The following MED13L variants were observed in gnomAD, a reference collection of about 807,000 sequenced individuals.
MED13L encodes mediator of RNA polymerase II transcription subunit 13-like.
In MED13L, 7 loss-of-function variants were observed where a neutral mutation model predicts 220.9. The observed-to-expected ratio is 0.03, with a 90% CI of 0.02 to 0.06. The LOEUF (loss-of-function observed/expected upper bound fraction) is 0.06, where lower values mean the gene tolerates loss of function less well. Ranked by LOEUF, MED13L falls within the 10% of genes least tolerant of loss-of-function variation. The pLI, the probability that MED13L is intolerant of heterozygous loss-of-function variation, is 1.00. For missense variants in MED13L, 1,965 were observed against 2,760.5 expected, an observed-to-expected ratio of 0.71 and a Z score of 6.46; for synonymous variants, 1,011 against 1,015.2, an observed-to-expected ratio of 1.00 and a Z score of 0.08.
At chr12:115,983,827 G>T (rs1018614198) in intron 20 of MED13L, among the ~76,000 whole-genome samples, 5 of 152,142 alleles carry the variant, frequency 3.3e-5, no homozygotes, top group African/African-American at 1.2e-4. Flanking sequence ...CCTAAAAAAT[G>T]AGAAGCTATA....
intron 2 of MED13L, among the ~76,000 whole-genome samples, chr12:116,127,354 G>C (rs914374864): frequency 2.0e-5 from 3 of 152,086 alleles, no homozygotes; most frequent in African/African-American, 7.2e-5. Flanking sequence ...TAGGTTAAAA[G>C]TTCAACTGTA....
intron 2 of MED13L, among the ~76,000 whole-genome samples, chr12:116,139,009 T>C (rs1336761595): frequency 6.6e-6 from 1 of 152,214 alleles, no homozygotes; most frequent in Admixed American, 6.5e-5. Context: ...AGTTGAGACA[T>C]ATTCCTGGAA....
chr12:116,020,550 T>C (rs1320771347), intron 5 of MED13L, among the ~76,000 whole-genome samples: 4 of 152,226 alleles, frequency 2.6e-5, no homozygotes, highest in Non-Finnish European at 5.9e-5. Context: ...AGTTTTAATG[T>C]ACAAAAGCTT....
intron 2 of MED13L, among the ~76,000 whole-genome samples, chr12:116,197,413 C>CT (rs1264483940): frequency 7.9e-5 from 12 of 152,114 alleles, no homozygotes; most frequent in African/African-American, 2.2e-4. Context: ...ACAACCACTA[C>CT]TTTATTTTCA....
At position 115,984,289 on chromosome 12, in the gene MED13L, C is replaced by T. The variant is rs561288892; in HGVS notation, c.4422G>A (p.Lys1474=). 6.2e-7 allele frequency: 1 copy of T among 1,614,134 alleles called. No homozygotes were observed. The highest frequency in any genetic ancestry group is 1.7e-5 in the Admixed American group (1 of 60,018). The change falls in exon 20 of 31, where the codon AAG becomes AAA. Residue 1474 remains lysine, a synonymous_variant. Transcript: ENST00000281928. The part of the protein sequence containing the change: ...IMRVGKTVAQ[K]LTDELVSEWF... Reference sequence around the variant, plus strand: ...ACTCACTCACAAGCTCATCTGTCAGCTTCTGTGCCACAGTTTTTCCCACGC... The same window carrying T: ...ACTCACTCACAAGCTCATCTGTCAGTTTCTGTGCCACAGTTTTTCCCACGC...
intron 2 of MED13L, among the ~76,000 whole-genome samples, chr12:116,213,406 T>TTTTTG (rs1467366277): frequency 2.0e-5 from 3 of 150,416 alleles, no homozygotes; most frequent in Non-Finnish European, 4.4e-5. Flanking sequence ...AAAAGTTTGT[T>TTTTTG]TTTGTTTGTT....
intron 2 of MED13L, among the ~76,000 whole-genome samples, chr12:116,160,318 T>C (rs1392429032): frequency 6.6e-6 from 1 of 152,200 alleles, no homozygotes; most frequent in Non-Finnish European, 1.5e-5. Flanking sequence ...TTGTTGTTGT[T>C]TGCAACATAC....
chr12:115,991,301 G>A lies in MED13L; in HGVS notation c.3653C>T (p.Pro1218Leu). Residue 1218 changes from proline (P) to leucine (L), a missense_variant, in exon 17 of 31, where the codon CCC becomes CTC. Coordinates refer to ENST00000281928, the MANE Select transcript of MED13L (RefSeq NM_015335.5). This position sits in a 1 kb window ranked among gnomAD's most constrained non-coding sequence, Gnocchi z 7.7. ...GAGAAGGCTTATGGGTGGCTCCTGG[G>A]GTTTTTTGGTTCCTTCCACCTGAGG... The part of the protein sequence containing the change: ...FLPQVEGTKK[P>L]QEPPISLLLL... 1 of 1,613,992 alleles carries A rather than the reference G, an allele frequency of 6.2e-7. No individual in the cohort carries two copies. The highest frequency in any genetic ancestry group is 8.5e-7 in the Non-Finnish European group (1 of 1,180,016).
rs145141012 is a variant in MED13L, at chr12:116,019,228, G to A, written c.1005C>T (p.Ile335=). ...LTPPTSPEQA[I]LGESGGMQSA... ...ACACTCCTGGATCCTACTCACCTAGGATAGCCTGTTCTGGAGAGGTGGGAG... is the reference window on the plus strand; with the variant it reads ...ACACTCCTGGATCCTACTCACCTAGAATAGCCTGTTCTGGAGAGGTGGGAG... The change falls in exon 7 of 31, where the codon ATC becomes ATT. Residue 335 remains isoleucine, a synonymous_variant. Transcript: ENST00000281928. 4.3e-6 allele frequency: 7 copies of A among 1,613,288 alleles called. No individual in the cohort carries two copies. The African/African-American group carries it at 8.0e-5, about 18-fold the overall frequency.
At chr12:116,276,399 G>T in intron 1 of MED13L, 2 of 1,276,850 alleles carry the variant, frequency 1.6e-6, no homozygotes, top group Non-Finnish European at 2.0e-6. Flanking sequence ...AAAGACACAG[G>T]AGGAGAGAAA....
At chr12:116,105,343 T>C (rs2137865985) in intron 3 of MED13L, among the ~76,000 whole-genome samples, 1 of 152,314 alleles carries the variant, frequency 6.6e-6, no homozygotes, top group East Asian at 1.9e-4. Flanking sequence ...TAGAGGGGAC[T>C]AGCAGAGACT....
At chr12:116,031,860 G>T (rs1401191614) in intron 4 of MED13L, among the ~76,000 whole-genome samples, 2 of 151,760 alleles carry the variant, frequency 1.3e-5, no homozygotes, top group East Asian at 3.9e-4. Context: ...TTTGCAGATG[G>T]ATATAATTTT....
chr12:116,116,248 C>T (rs1165286647), intron 2 of MED13L, among the ~76,000 whole-genome samples: 1 of 152,110 alleles, frequency 6.6e-6, no homozygotes, highest in Non-Finnish European at 1.5e-5. Flanking sequence ...CAACCCCCAC[C>T]CTGACTTCTA....
At position 116,170,133 on chromosome 12, in the gene MED13L, A is replaced by C. The variant is rs147183680; in HGVS notation, c.311-58621T>G. On this transcript the variant is annotated intron_variant, in intron 2 of 30. Transcript: ENST00000281928. ...ATTGGTCATTTGGAAAATACTGGTT[A>C]ACTGAGTTATGCACAGATTCTGTAT... 1.5e-3 allele frequency among the ~76,000 whole-genome samples: 228 copies of C among 152,346 alleles called. 1 individual carries two copies. Among genetic ancestry groups the C allele is most frequent in the African/African-American group, 5.2e-3 (215 of 41,584 alleles).
chr12:116,166,036 T>G (rs957624011), intron 2 of MED13L, among the ~76,000 whole-genome samples: 1 of 152,220 alleles, frequency 6.6e-6, no homozygotes, highest in African/African-American at 2.4e-5. Flanking sequence ...TATTCTACTT[T>G]CAGATCTCAG....
At chr12:116,150,843 G>C (rs61935823) in intron 2 of MED13L, among the ~76,000 whole-genome samples, 5,918 of 152,170 alleles carry the variant, frequency 0.039, 173 homozygotes, top group Non-Finnish European at 0.059. Flanking sequence ...TGTGGCCTTA[G>C]GTAGGTCGTT....
At position 116,236,917 on chromosome 12, in the gene MED13L, C is replaced by A. The variant is rs1348494281; in HGVS notation, c.310+551G>T. The A allele has an allele frequency of 5.1e-6, 5 of 975,490 alleles. No homozygotes were observed. In the East Asian group the frequency reaches 5.7e-4, roughly 111 times the overall value. 60.4% of individuals were successfully genotyped at this position (975,490 alleles called of 1,614,324 possible). A position where few individuals can be genotyped will look rare whatever the true frequency, so the allele number is the denominator to read the frequency against. On this transcript the variant is annotated intron_variant, in intron 2 of 30. Transcript: ENST00000281928. ...TGGAATCACCAAATTACATGAAAAA[C>A]AGAAATAAAAGCAAAAGAAAATTTG...
At chr12:116,175,618 A>T (rs1879994708) in intron 2 of MED13L, among the ~76,000 whole-genome samples, 1 of 152,218 alleles carries the variant, frequency 6.6e-6, no homozygotes. Flanking sequence ...TGCAGATTAG[A>T]GACAGAAAAG....
In MED13L at chr12:116,127,528, T is replaced by C. The variant is rs1254427291; in HGVS notation, c.311-16016A>G. Reference sequence around the variant, plus strand: ...AACAGTTACTACTCTAACTAAAATATAGATATATTCAAAGGCAATATTACC... The same window carrying C: ...AACAGTTACTACTCTAACTAAAATACAGATATATTCAAAGGCAATATTACC... On this transcript the variant is annotated intron_variant, in intron 2 of 30. Coordinates refer to ENST00000281928, the MANE Select transcript of MED13L (RefSeq NM_015335.5). 5.9e-5 allele frequency among the ~76,000 whole-genome samples: 9 copies of C among 152,180 alleles called. No homozygotes were observed. The South Asian group carries it at 8.3e-4, about 14-fold the overall frequency.
Sources: allele counts gnomAD v4.1 joint callset (sites outside exome capture counted in the v4.1 genomes callset), GRCh38; gene constraint gnomAD v4.1.1; non-coding constraint Gnocchi (gnomAD v3.1); transcripts MANE v1.5; gene names NCBI Gene and HGNC (gene_info 2026-07-23, HGNC 2026-07-21).